Variants in ITCH observed in about 807,000 individuals in gnomAD.
ITCH encodes E3 ubiquitin-protein ligase Itchy homolog.
Under a neutral mutation model 126.8 loss-of-function variants are expected in ITCH, and 28 were observed. That is an observed-to-expected ratio of 0.22 (90% CI 0.16 to 0.30). The LOEUF is 0.30. Among genes scored for constraint, ITCH ranks in the 10% least tolerant of loss-of-function variants. The probability of loss-of-function intolerance (pLI) is 1.00; values close to 1 mark genes in which losing one functional copy is unlikely to be tolerated. For missense variants in ITCH, 631 were observed against 1,032.4 expected (o/e 0.61, Z 5.33); for synonymous variants, 342 against 340.0 (o/e 1.01, Z -0.06).
At chr20:34,396,288 C>T (rs554165695) in intron 3 of ITCH, among the ~76,000 whole-genome samples, 5 of 152,080 alleles carry the variant, frequency 3.3e-5, no homozygotes, top group African/African-American at 1.2e-4. Context: ...CCTGCCTCGG[C>T]CTACCAATGT....
At chr20:34,389,209 A>T (rs1366759434) in intron 2 of ITCH, among the ~76,000 whole-genome samples, 1 of 152,078 alleles carries the variant, frequency 6.6e-6, no homozygotes, top group African/African-American at 2.4e-5. Context: ...ATAGAAATGA[A>T]GTCTCACTAT....
intron 23 of ITCH, among the ~76,000 whole-genome samples, chr20:34,500,544 T>C (rs184073326): frequency 2.7e-4 from 41 of 152,204 alleles, no homozygotes; most frequent in African/African-American, 9.2e-4. Context: ...CTTTTCAGTC[T>C]GTATGTGTCT....
At chr20:34,426,759 T>C (rs962007029) in intron 7 of ITCH, among the ~76,000 whole-genome samples, 4 of 148,156 alleles carry the variant, frequency 2.7e-5, no homozygotes, top group African/African-American at 5.0e-5. Flanking sequence ...CCGATAGATA[T>C]ATGGAAGTTT....
intron 20 of ITCH, among the ~76,000 whole-genome samples, chr20:34,488,506 GT>G (rs1456436884): frequency 1.3e-5 from 2 of 152,268 alleles, no homozygotes; most frequent in East Asian, 3.9e-4. Flanking sequence ...AAGGTCAGGA[GT>G]TCAAGACCAG....
chr20:34,383,499 T>A (rs573229321), intron 2 of ITCH, among the ~76,000 whole-genome samples: 1 of 151,568 alleles, frequency 6.6e-6, no homozygotes, highest in Admixed American at 6.6e-5. Flanking sequence ...CTCGAGTAGC[T>A]GGGATTACAG....
At chr20:34,469,982 G>A in intron 14 of ITCH, 66 bp from the exon 15 acceptor site, 1 of 1,216,928 alleles carries the variant, frequency 8.2e-7, no homozygotes. Context: ...GGGATATTTT[G>A]CTTTCCTTCA....
chr20:34,510,308 A>G lies in ITCH; in HGVS notation c.*2514A>G, dbSNP rs1294612392. On this transcript the variant is annotated 3_prime_UTR_variant, in exon 25 of 25. Coordinates refer to ENST00000374864, the MANE Select transcript of ITCH (RefSeq NM_031483.7). ...AAATATCTACCAAATGCTATCTTAA[A>G]TTTTGGTCCAAACTGAACATATGGA... 6.6e-6 allele frequency: 1 copy of G among 152,594 alleles called. No individual in the cohort carries two copies. The highest frequency in any genetic ancestry group is 1.9e-4 in the East Asian group (1 of 5,206). The allele number at this position is 152,594 out of a possible 1,614,324, so 9.5% of individuals were successfully genotyped here.
rs200085579 is a variant in ITCH at position 34,440,317 on chromosome 20, C to G, written c.842C>G (p.Pro281Arg). ...GGCTCAGGCCCTAGGCCATTAAATCCTGTAACTCAAGCTCCCTTGCCACCT... is the reference window on the plus strand; with the variant it reads ...GGCTCAGGCCCTAGGCCATTAAATCGTGTAACTCAAGCTCCCTTGCCACCT... ...SGGSGPRPLN[P>R]VTQAPLPPGW... Residue 281 changes from proline to arginine, a missense_variant, in exon 9 of 25, where the codon CCT becomes CGT. Coordinates refer to ENST00000374864, the MANE Select transcript of ITCH (RefSeq NM_031483.7). 2.4e-5 allele frequency: 39 copies of G among 1,614,098 alleles called. No individual in the cohort carries two copies. In the East Asian group the frequency reaches 3.3e-4, roughly 14 times the overall value.
In ITCH at chr20:34,497,697, G is replaced by C. The variant is rs907047121; in HGVS notation, c.2416+5100G>C. On this transcript the variant is annotated intron_variant, in intron 23 of 24. Transcript: ENST00000374864. ...GGGTTCAAGTGATTCTTGTGCCTCA[G>C]CCTCCCAAGTAGCTGGGATTACAGG... is the stretch of plus-strand genomic sequence containing the variant. Among the ~76,000 whole-genome samples the C allele has an allele frequency of 3.9e-5, 6 of 152,190 alleles. 1 individual carries two copies. Among genetic ancestry groups the C allele is most frequent in the Admixed American group, 2.0e-4 (3 of 15,284 alleles).
intron 15 of ITCH, 59 bp from the exon 16 acceptor site, chr20:34,471,385 A>AT: frequency 2.0e-6 from 2 of 986,092 alleles, no homozygotes; most frequent in Non-Finnish European, 3.3e-6. Flanking sequence ...TCCCCTTTTG[A>AT]TTTTTTTGAT....
rs552121938 is a variant in ITCH, at chr20:34,391,318, G to T, written c.-21-2473G>T. On this transcript the variant is annotated intron_variant, in intron 2 of 24. Transcript: ENST00000374864. ...TGAATGGAATGTATACTTTTTCTGC[G>T]TTTATTTACAAGTATTTGTACCCAT... is the stretch of plus-strand genomic sequence containing the variant. Among the ~76,000 whole-genome samples the T allele has an allele frequency of 3.3e-5, 5 of 152,138 alleles. No homozygotes were observed. In the East Asian group the frequency reaches 7.7e-4, roughly 24 times the overall value.
intron 2 of ITCH, among the ~76,000 whole-genome samples, chr20:34,378,419 G>A (rs2037926705): frequency 1.5e-5 from 2 of 131,748 alleles, no homozygotes; most frequent in South Asian, 4.9e-4. Flanking sequence ...GTTGCAGTGA[G>A]CAGAGATTGC....
chr20:34,399,574 C>G (rs1346650723), intron 3 of ITCH, among the ~76,000 whole-genome samples: 2 of 151,886 alleles, frequency 1.3e-5, no homozygotes, highest in Non-Finnish European at 2.9e-5. Flanking sequence ...GGCATGGTGG[C>G]TCATGCCTGT....
chr20:34,499,695 T>A (rs1423343817), intron 23 of ITCH, among the ~76,000 whole-genome samples: 2 of 152,224 alleles, frequency 1.3e-5, no homozygotes, highest in East Asian at 3.9e-4. Flanking sequence ...TGTTTATTTC[T>A]GTTTTGATCT....
chr20:34,503,368 A>G (rs1365309337), intron 23 of ITCH, among the ~76,000 whole-genome samples: 8 of 152,164 alleles, frequency 5.3e-5, no homozygotes, highest in African/African-American at 1.9e-4. Flanking sequence ...GGGAAAAGTA[A>G]TGATCTTTTA....
chr20:34,384,512 C>T (rs1235240869), intron 2 of ITCH, among the ~76,000 whole-genome samples: 2 of 151,920 alleles, frequency 1.3e-5, no homozygotes, highest in East Asian at 3.9e-4. Context: ...AACTCCTGAC[C>T]TTGTGATCCA....
At chr20:34,461,011 A>C (rs1986454237) in intron 13 of ITCH, among the ~76,000 whole-genome samples, 1 of 152,118 alleles carries the variant, frequency 6.6e-6, no homozygotes, top group Admixed American at 6.5e-5. Flanking sequence ...GCAGAGTGAG[A>C]TTCTTTCTCT....
At chr20:34,477,656 T>C (rs1293241210) in intron 16 of ITCH, 116 bp from the exon 17 acceptor site, 5 of 863,080 alleles carry the variant, frequency 5.8e-6, no homozygotes, top group Non-Finnish European at 9.5e-6. Context: ...CATGAACACC[T>C]TTCTGTGTCA....
At chr20:34,389,432 CTG>C (rs1354259152) in intron 2 of ITCH, among the ~76,000 whole-genome samples, 1 of 152,102 alleles carries the variant, frequency 6.6e-6, no homozygotes, top group Non-Finnish European at 1.5e-5. Context: ...GCCATGCTCT[CTG>C]TGTGAGTAAC....
Sources: allele counts gnomAD v4.1 joint callset (sites outside exome capture counted in the v4.1 genomes callset), GRCh38; gene constraint gnomAD v4.1.1; transcripts MANE v1.5; gene names NCBI Gene and HGNC (gene_info 2026-07-23, HGNC 2026-07-21).